UBA2: variants seen among roughly 807,000 people sequenced by gnomAD.
The protein encoded by UBA2 is SUMO-activating enzyme subunit 2.
UBA2 carries 11 observed loss-of-function variants against 77.2 expected under a neutral mutation model. The observed-to-expected ratio is 0.14, with a 90% CI of 0.09 to 0.24. The LOEUF is 0.24. Ranked by LOEUF, UBA2 falls within the 10% of genes least tolerant of loss-of-function variation. UBA2 has a pLI of 1.00. For missense variants in UBA2, 487 were observed against 781.7 expected (o/e 0.62, Z 4.50); for synonymous variants, 278 against 276.7 (o/e 1.00, Z -0.05).
At chr19:34,465,891 C>G (rs888829582) in intron 15 of UBA2, among the ~76,000 whole-genome samples, 2 of 152,038 alleles carry the variant, frequency 1.3e-5, no homozygotes, top group Admixed American at 1.3e-4. Context: ...GGAACAGAAC[C>G]CCACCCCTTA....
chr19:34,428,727 C>T (rs941357366), intron 1 of UBA2, 157 bp downstream of exon 1: 1 of 1,155,132 alleles, frequency 8.7e-7, no homozygotes, highest in Non-Finnish European at 1.1e-6. Context: ...TGTGCCCCCC[C>T]CGCGGGAGGA....
chr19:34,440,127 C>T (rs2075352752), intron 6 of UBA2, among the ~76,000 whole-genome samples: 1 of 152,002 alleles, frequency 6.6e-6, no homozygotes, highest in African/African-American at 2.4e-5. Context: ...AGTTTGAGAA[C>T]AGCCTGGCCA....
chr19:34,433,453 C>A, intron 4 of UBA2, 41 bp downstream of exon 4: 1 of 1,269,506 alleles, frequency 7.9e-7, no homozygotes, highest in Non-Finnish European at 1.1e-6. Context: ...AGTATTTCCT[C>A]TCTCCCATAT....
Position 34,458,558 on chromosome 19 carries a change from C to CAA in UBA2, c.1246-178_1246-177dup, listed in dbSNP as rs60349858. Among the ~76,000 whole-genome samples the CAA allele has an allele frequency of 7.3e-4, 44 of 60,632 alleles. 1 individual carries two copies. Among genetic ancestry groups the CAA allele is most frequent in the African/African-American group, 1.1e-3 (14 of 12,770 alleles). 39.8% of individuals were successfully genotyped at this position (60,632 alleles called of 152,430 possible). A position where few individuals can be genotyped will look rare whatever the true frequency, so the allele number is the denominator to read the frequency against. ...CCTGGGCGACAGCAAGACTCCGTCT[C>CAA]AAAAAAAAAAAAAAAAAAAAAAAAA... is the stretch of plus-strand genomic sequence containing the variant. On this transcript the variant is annotated intron_variant, in intron 12 of 16. Transcript: ENST00000246548.
rs1052622144 is a variant in UBA2 at position 34,471,231 on chromosome 19, A to G, written c.*2010A>G. On this transcript the variant is annotated 3_prime_UTR_variant, in exon 17 of 17. Transcript: ENST00000246548. ...CAATAATTTATTTTATATTTCAACT[A>G]AATTTTAAATTTCTAATTCATGTAT... 1 of 152,152 alleles carries G rather than the reference A, an allele frequency of 6.6e-6. No homozygotes were observed. Among genetic ancestry groups the G allele is most frequent in the African/African-American group, 2.4e-5 (1 of 41,430 alleles). 9.4% of individuals were successfully genotyped at this position (152,152 alleles called of 1,614,324 possible).
chr19:34,441,887 C>CT (rs1172486083), intron 6 of UBA2, among the ~76,000 whole-genome samples: 1 of 150,718 alleles, frequency 6.6e-6, no homozygotes, highest in Non-Finnish European at 1.5e-5. Flanking sequence ...TGCTACTGCA[C>CT]TCCAACCTGG....
At chr19:34,431,818 G>A (rs757952367) in intron 2 of UBA2, 43 bp from the exon 3 acceptor site, 2 of 1,547,376 alleles carry the variant, frequency 1.3e-6, no homozygotes, top group Non-Finnish European at 8.9e-7. Context: ...TTTCAGATAG[G>A]AACAGAAATA....
rs960149411 is a variant in UBA2 at position 34,433,228 on chromosome 19, A to G, written c.294-120A>G. On this transcript the variant is annotated intron_variant, in intron 3 of 16. Coordinates refer to ENST00000246548, the MANE Select transcript of UBA2 (RefSeq NM_005499.3). ...TCAAACCTTACTATCTATATGACAT[A>G]TAATCCTGATATCAGTTTTGTTTAC... 2.4e-4 allele frequency: 166 copies of G among 698,342 alleles called. No homozygotes were observed. The East Asian group carries it at 4.0e-3, about 17-fold the overall frequency. The allele number at this position is 698,342 out of a possible 1,614,324, so 43.3% of individuals were successfully genotyped here. A position where few individuals can be genotyped will look rare whatever the true frequency, so the allele number is the denominator to read the frequency against.
chr19:34,448,514 G>T (rs1394604545), intron 8 of UBA2, among the ~76,000 whole-genome samples: 1 of 152,112 alleles, frequency 6.6e-6, no homozygotes, highest in Admixed American at 6.5e-5. Flanking sequence ...AATATCACTT[G>T]AGCCCAAGAG....
chr19:34,450,584 C>A (rs2075482028), intron 9 of UBA2, among the ~76,000 whole-genome samples: 1 of 152,030 alleles, frequency 6.6e-6, no homozygotes, highest in Non-Finnish European at 1.5e-5. Flanking sequence ...TACACAGATG[C>A]AGGCATTCGT....
chr19:34,440,999 C>T (rs4805080), intron 6 of UBA2, among the ~76,000 whole-genome samples: 128,028 of 151,514 alleles, frequency 0.84, 54,823 homozygotes, highest in Non-Finnish European at 0.92. Flanking sequence ...GACCACGTGT[C>T]TATTCAGGAA....
In UBA2 at chr19:34,452,008, A is replaced by G. The variant is rs751483555; in HGVS notation, c.899A>G (p.Gln300Arg). The change falls in exon 10 of 17, where the codon CAG becomes CGG. Residue 300 changes from glutamine to arginine, a missense_variant. Around this residue, in one of 9 missense-constraint regions of UBA2, gnomAD observed 300 missense variants for 454.3 expected, o/e 0.66. Coordinates refer to ENST00000246548, the MANE Select transcript of UBA2 (RefSeq NM_005499.3). ...QGEETNASDQQNEPQLGLKDQ... is the reference protein window; with the variant it reads ...QGEETNASDQRNEPQLGLKDQ... ...GAAGAAACGAATGCATCAGATCAAC[A>G]GAATGAACCCCAGTTAGGCCTGAAA... 43 of 1,592,482 alleles carry G rather than the reference A, an allele frequency of 2.7e-5. No individual in the cohort carries two copies. The South Asian group carries it at 4.7e-4, about 18-fold the overall frequency.
At chr19:34,442,349 A>G (rs1599901664) in intron 6 of UBA2, among the ~76,000 whole-genome samples, 1 of 152,254 alleles carries the variant, frequency 6.6e-6, no homozygotes, top group East Asian at 1.9e-4. Flanking sequence ...TTGGAAAATT[A>G]AGTATAAGAC....
chr19:34,452,659 G>T (rs886662373), intron 10 of UBA2, among the ~76,000 whole-genome samples: 2 of 152,156 alleles, frequency 1.3e-5, no homozygotes, highest in African/African-American at 4.8e-5. Flanking sequence ...TTTGAGATTT[G>T]ATATTATGAA....
intron 8 of UBA2, among the ~76,000 whole-genome samples, chr19:34,447,746 T>C (rs1291256271): frequency 6.6e-6 from 1 of 152,226 alleles, no homozygotes; most frequent in Admixed American, 6.5e-5. Flanking sequence ...TCAGATGCTT[T>C]GCAGCCCTTG....
rs1340146628 is a variant in UBA2 at position 34,446,669 on chromosome 19, G to T, written c.771+1548G>T. The stretch of plus-strand genomic sequence containing the variant: ...CTGTCGCCCAGGCTAGAGTGCAGTG[G>T]CATGATCTCAGCTTGCTGCAACCTC... On this transcript the variant is annotated intron_variant, in intron 8 of 16. Transcript: ENST00000246548. Among the ~76,000 whole-genome samples, 5 of 151,396 alleles carry T rather than the reference G, an allele frequency of 3.3e-5. No individual in the cohort carries two copies. The East Asian group carries it at 9.7e-4, about 29-fold the overall frequency.
At chr19:34,443,521 A>C (rs2075393095) in intron 6 of UBA2, among the ~76,000 whole-genome samples, 1 of 147,728 alleles carries the variant, frequency 6.8e-6, no homozygotes, top group Non-Finnish European at 1.5e-5. Context: ...GGCTCACTGC[A>C]ACCTCCATCT....
intron 15 of UBA2, among the ~76,000 whole-genome samples, chr19:34,465,322 C>G (rs1291546034): frequency 6.6e-6 from 1 of 152,134 alleles, no homozygotes; most frequent in African/African-American, 2.4e-5. Flanking sequence ...ACATTTCATA[C>G]TTTGTTTATA....
Position 34,453,828 on chromosome 19 carries a change from C to T in UBA2, c.1039-432C>T, listed in dbSNP as rs186071677. ...ACAGGCATGAGCCACCATGCCCAGC[C>T]TAAAACAGTTTTCTTAAATTGCTCG... On this transcript the variant is annotated intron_variant, in intron 10 of 16. Transcript: ENST00000246548. Among the ~76,000 whole-genome samples, 537 of 152,224 alleles carry T rather than the reference C, an allele frequency of 3.5e-3. 3 individuals carry two copies. The highest frequency in any genetic ancestry group is 0.013 in the South Asian group (62 of 4,818).
Sources: gnomAD v4.1 joint callset for allele counts (sites outside exome capture counted in the v4.1 genomes callset) on GRCh38, gnomAD v4.1.1 for gene constraint, gnomAD v4.1.1 regional missense constraint, MANE v1.5 for transcripts, NCBI Gene and HGNC (gene_info 2026-07-23, HGNC 2026-07-21) for gene names.